The following TOM1L2 variants were observed in gnomAD, a reference collection of about 807,000 sequenced individuals.
TOM1L2 encodes the protein TOM1-like protein 2.
A neutral mutation model predicts 67.9 loss-of-function variants in TOM1L2; 31 were observed. The ratio of observed to expected loss-of-function variants is 0.46; its 90% CI spans 0.34 to 0.62. The LOEUF (loss-of-function observed/expected upper bound fraction) is 0.62, where lower values mean the gene tolerates loss of function less well. TOM1L2 is among the 20% of genes least tolerant of loss of function. TOM1L2 has a pLI of 0.01. For missense variants in TOM1L2, 606 were observed against 663.5 expected (o/e 0.91, Z 0.95); for synonymous variants, 256 against 254.0 (o/e 1.01, Z -0.07).
chr17:17,908,132 T>G (rs893487618), intron 1 of TOM1L2, among the ~76,000 whole-genome samples: 2 of 152,188 alleles, frequency 1.3e-5, no homozygotes, highest in Non-Finnish European at 2.9e-5. Context: ...CCACTGTAGG[T>G]GTGGTGTTGG....
chr17:17,913,710 A>G (rs1416852366), intron 1 of TOM1L2, among the ~76,000 whole-genome samples: 1 of 152,224 alleles, frequency 6.6e-6, no homozygotes, highest in Admixed American at 6.5e-5. Context: ...CAGTAATTGA[A>G]TAGAATGCAC....
chr17:17,876,050 T>C (rs993273068), intron 7 of TOM1L2, among the ~76,000 whole-genome samples: 22 of 152,326 alleles, frequency 1.4e-4, no homozygotes, highest in African/African-American at 4.8e-4. Context: ...AGAACATATA[T>C]TTTTGGCATC....
intron 1 of TOM1L2, among the ~76,000 whole-genome samples, chr17:17,934,117 T>C (rs1405339795): frequency 4.6e-5 from 7 of 152,342 alleles, no homozygotes; most frequent in Non-Finnish European, 1.5e-5. Flanking sequence ...ATATTTTATA[T>C]TAAAAGTATG....
In TOM1L2 at chr17:17,882,815, G is replaced by T. The variant is rs2037797367; in HGVS notation, c.550C>A (p.Gln184Lys). ...PAATMPRSQS[Q>K]QRTSAGSYSS... ...TAGGAACCAGCACTTGTCCTCTGCT[G>T]TGATTGGGACCTGGGCATGGTCGCA... is the stretch of plus-strand genomic sequence containing the variant. Residue 184 changes from glutamine to lysine, a missense_variant, in exon 6 of 15, where the codon CAG becomes AAG. Coordinates refer to ENST00000379504, the MANE Select transcript of TOM1L2 (RefSeq NM_001082968.2). 1 of 1,614,238 alleles carries T rather than the reference G, an allele frequency of 6.2e-7. No individual in the cohort carries two copies. Among genetic ancestry groups the T allele is most frequent in the Admixed American group, 1.7e-5 (1 of 60,034 alleles).
chr17:17,847,595 G>A lies in TOM1L2; in HGVS notation c.*40C>T. The A allele has an allele frequency of 3.2e-6, 5 of 1,571,474 alleles. No homozygotes were observed. The highest frequency in any genetic ancestry group is 4.3e-6 in the Non-Finnish European group (5 of 1,160,138). On this transcript the variant is annotated 3_prime_UTR_variant, in exon 15 of 15. Coordinates refer to ENST00000379504, the MANE Select transcript of TOM1L2 (RefSeq NM_001082968.2). ...AGTGCCCGGTGTCCACGGGGTGCGA[G>A]CGGGGACCCGCCATCTGGGGAGGCA...
At chr17:17,885,653 G>A (rs1188625642) in intron 4 of TOM1L2, among the ~76,000 whole-genome samples, 4 of 152,030 alleles carry the variant, frequency 2.6e-5, no homozygotes, top group African/African-American at 4.8e-5. Context: ...GGCTGGGTGC[G>A]GTGGCTCATG....
chr17:17,848,778 C>T (rs772956323), intron 14 of TOM1L2, 45 bp downstream of exon 14: 2 of 1,609,994 alleles, frequency 1.2e-6, no homozygotes, highest in African/African-American at 1.3e-5. Flanking sequence ...GCAGCCTGCA[C>T]AGAGGCAACA....
intron 1 of TOM1L2, among the ~76,000 whole-genome samples, chr17:17,966,044 C>T (rs1008724967): frequency 1.7e-4 from 26 of 152,150 alleles, no homozygotes; most frequent in African/African-American, 6.3e-4. Flanking sequence ...TCCCTTAAAC[C>T]CAGGAGGTGG....
intron 12 of TOM1L2, among the ~76,000 whole-genome samples, chr17:17,856,385 A>G (rs1280721374): frequency 1.3e-5 from 2 of 152,264 alleles, no homozygotes; most frequent in Admixed American, 1.3e-4. Flanking sequence ...TGCTACTATG[A>G]GAGGTGGCAG....
rs1239092795 is a variant in TOM1L2, at chr17:17,882,767, A to G, written c.598T>C (p.Tyr200His). 6.2e-7 allele frequency: 1 copy of G among 1,614,218 alleles called. No individual in the cohort carries two copies. Among genetic ancestry groups the G allele is most frequent in the East Asian group, 2.2e-5 (1 of 44,890 alleles). Reference sequence around the variant, plus strand: ...AGAGCTGGGGCCTGCGGTGCGGAGTAGGGAGCAGGAGGCGGCGAGGAATAG... The same window carrying G: ...AGAGCTGGGGCCTGCGGTGCGGAGTGGGGAGCAGGAGGCGGCGAGGAATAG... Reference protein sequence around the residue: ...GSYSSPPPAPYSAPQAPALSV... With the variant: ...GSYSSPPPAPHSAPQAPALSV... Residue 200 changes from tyrosine to histidine, a missense_variant, in exon 6 of 15, where the codon TAC becomes CAC. Physicochemically the swap from Tyr to His is moderately conservative, Grantham distance 83. Around this residue, in one of 2 missense-constraint regions of TOM1L2, gnomAD observed 543 missense variants for 554.0 expected, o/e 0.98. Coordinates refer to ENST00000379504, the MANE Select transcript of TOM1L2 (RefSeq NM_001082968.2).
chr17:17,861,437 C>T (rs1355431875), intron 12 of TOM1L2, 39 bp downstream of exon 12: 1 of 1,596,752 alleles, frequency 6.3e-7, no homozygotes. Context: ...ACTTTCCCTC[C>T]AGAAGACTCC....
At chr17:17,864,890 A>G (rs1364652286) in intron 10 of TOM1L2, among the ~76,000 whole-genome samples, 2 of 152,210 alleles carry the variant, frequency 1.3e-5, no homozygotes, top group African/African-American at 4.8e-5. Flanking sequence ...GTGGCTACAA[A>G]TATACGAAAT....
intron 4 of TOM1L2, among the ~76,000 whole-genome samples, chr17:17,892,826 AC>A (rs2038361462): frequency 6.6e-6 from 1 of 152,152 alleles, no homozygotes; most frequent in Non-Finnish European, 1.5e-5. Context: ...GGTCATCAAG[AC>A]CTAATCTTGA....
At chr17:17,883,342 GCTCT>G (rs1416238709) in intron 5 of TOM1L2, among the ~76,000 whole-genome samples, 1 of 152,174 alleles carries the variant, frequency 6.6e-6, no homozygotes, top group African/African-American at 2.4e-5. Context: ...CAACAACACT[GCTCT>G]CTGTCATTAT....
rs558236060 is a variant in TOM1L2, at chr17:17,968,528, G to A, written c.52+3734C>T. 2.8e-4 allele frequency among the ~76,000 whole-genome samples: 42 copies of A among 152,156 alleles called. No homozygotes were observed. In the East Asian group the frequency reaches 3.9e-3, roughly 14 times the overall value. On this transcript the variant is annotated intron_variant, in intron 1 of 14. Transcript: ENST00000379504. ...AAAAATACAAAAATTAGCCCGGCACGGTGCCAGGCACCAGTAATCCCAGCT... is the reference window on the plus strand; with the variant it reads ...AAAAATACAAAAATTAGCCCGGCACAGTGCCAGGCACCAGTAATCCCAGCT...
At chr17:17,904,158 A>C (rs924355632) in intron 2 of TOM1L2, among the ~76,000 whole-genome samples, 4 of 152,194 alleles carry the variant, frequency 2.6e-5, no homozygotes, top group Non-Finnish European at 5.9e-5. Flanking sequence ...GACACCTCAC[A>C]GCAGAGGCAA....
chr17:17,932,652 C>A (rs1260794151), intron 1 of TOM1L2, among the ~76,000 whole-genome samples: 1 of 152,220 alleles, frequency 6.6e-6, no homozygotes, highest in Non-Finnish European at 1.5e-5. Context: ...TACTTTGGAA[C>A]CAGACAGAAC....
chr17:17,901,338 G>A (rs2038846495), intron 2 of TOM1L2, among the ~76,000 whole-genome samples: 1 of 152,220 alleles, frequency 6.6e-6, no homozygotes, highest in African/African-American at 2.4e-5. Context: ...AAAGGATCAG[G>A]AAGAATCAGT....
Position 17,866,300 on chromosome 17 carries a change from G to A in TOM1L2, c.1080C>T (p.Gly360=), listed in dbSNP as rs1446117074. 1.9e-6 allele frequency: 3 copies of A among 1,612,724 alleles called. No homozygotes were observed. In the South Asian group the frequency reaches 3.3e-5, roughly 18 times the overall value. The change falls in exon 10 of 15, where the codon GGC becomes GGT. Residue 360 remains glycine (G), a synonymous_variant. Transcript: ENST00000379504. ...PPSSLSSQLA[G]LDLGTESVSG... ...TTGTCCCTGTGAGACACTCACCTAA[G>A]CCTGCAAGCTGGGAGGAGAGGGAAG... is the stretch of plus-strand genomic sequence containing the variant.
Sources: allele counts gnomAD v4.1 joint callset (sites outside exome capture counted in the v4.1 genomes callset), GRCh38; gene constraint gnomAD v4.1.1; regional missense constraint gnomAD v4.1.1; transcripts MANE v1.5; gene names NCBI Gene and HGNC (gene_info 2026-07-23, HGNC 2026-07-21).